OR2D2: variants seen among roughly 807,000 people sequenced by gnomAD.
OR2D2 encodes the protein olfactory receptor family 2 subfamily D member 2.
Under a neutral mutation model 16.0 loss-of-function variants are expected in OR2D2, and 20 were observed. That is an observed-to-expected ratio of 1.25 (90% CI 0.88 to 1.82). OR2D2 has a LOEUF of 1.82. Among genes scored for constraint, OR2D2 ranks in the 40% most tolerant of loss-of-function variants. The pLI is 0.00. For synonymous variants in OR2D2, 164 were observed against 143.9 expected (o/e 1.14, Z -1.00); for missense variants, 409 against 369.3 (o/e 1.11, Z -0.88).
In OR2D2 at chr11:6,891,907, G is replaced by T; in HGVS notation, c.594C>A (p.Ala198=). 1.2e-6 allele frequency: 2 copies of T among 1,613,688 alleles called. No homozygotes were observed. The highest frequency in any genetic ancestry group is 1.7e-6 in the Non-Finnish European group (2 of 1,179,812). Residue 198 remains alanine (A), a synonymous_variant, in exon 1 of 1, where the codon GCC becomes GCA. Transcript: ENST00000299459. ...ASTDTHASEM[A]IFLMGVVILL... is the part of the protein sequence containing the mutation. Reference sequence around the variant, plus strand: ...GAATCACAACCCCCATAAGAAAAATGGCCATCTCTGATGCATGGGTGTCTG... The same window carrying T: ...GAATCACAACCCCCATAAGAAAAATTGCCATCTCTGATGCATGGGTGTCTG...
chr11:6,892,202 C>T lies in OR2D2; in HGVS notation c.299G>A (p.Arg100Gln), dbSNP rs758870079. 21 of 1,613,726 alleles carry T rather than the reference C, an allele frequency of 1.3e-5. No individual in the cohort carries two copies. The highest frequency in any genetic ancestry group is 1.7e-5 in the Admixed American group (1 of 59,924). Residue 100 changes from arginine to glutamine, a missense_variant, in exon 1 of 1, where the codon CGA becomes CAA. Transcript: ENST00000299459. ...KVIAFTLCAA[R>Q]LLFFLIFGCT... ...CCCAAAAATGAGGAAAAAGAGAAGTCGAGCTGCGCAAAGTGTGAATGCAAT... is the reference window on the plus strand; with the variant it reads ...CCCAAAAATGAGGAAAAAGAGAAGTTGAGCTGCGCAAAGTGTGAATGCAAT...
At position 6,892,140 on chromosome 11, in the gene OR2D2, C is replaced by T. The variant is rs1217239747; in HGVS notation, c.361G>A (p.Asp121Asn). ...QCALLAVMSY[D>N]RYVAICNPLR... ...GGATTGCAGATTGCAACATAGCGAT[C>T]ATAGGACATCACTGCAAGAAGGGCG... The change falls in exon 1 of 1, where the codon GAT (aspartate) becomes AAT (asparagine). Residue 121 changes from aspartate (D) to asparagine (N), a missense_variant. Asp to Asn is a conservative substitution (Grantham distance 23, BLOSUM62 1). Coordinates refer to ENST00000299459, the MANE Select transcript of OR2D2 (RefSeq NM_003700.1). The T allele has an allele frequency of 8.1e-6, 13 of 1,613,738 alleles. No individual in the cohort carries two copies. Among genetic ancestry groups the T allele is most frequent in the African/African-American group, 2.7e-5 (2 of 74,964 alleles).
Position 6,892,193 on chromosome 11 carries a change from A to C in OR2D2, c.308T>G (p.Phe103Cys). Residue 103 changes from phenylalanine (F) to cysteine (C), a missense_variant, in exon 1 of 1, where the codon TTT (phenylalanine) becomes TGT (cysteine). Coordinates refer to ENST00000299459, the MANE Select transcript of OR2D2 (RefSeq NM_003700.1). ...AFTLCAARLL[F>C]FLIFGCTQCA... Reference sequence around the variant, plus strand: ...CTGGGTACACCCAAAAATGAGGAAAAAGAGAAGTCGAGCTGCGCAAAGTGT... The same window carrying C: ...CTGGGTACACCCAAAAATGAGGAAACAGAGAAGTCGAGCTGCGCAAAGTGT... 1.2e-6 allele frequency: 2 copies of C among 1,613,904 alleles called. No homozygotes were observed. Among genetic ancestry groups the C allele is most frequent in the Non-Finnish European group, 1.7e-6 (2 of 1,179,892 alleles).
Position 6,892,050 on chromosome 11 carries a change from T to C in OR2D2, c.451A>G (p.Ser151Gly), listed in dbSNP as rs74917712. ...CVQLATGSWT[S>G]GILVSVVDTT... ...TCTACCACAGACACCAGAATGCCAC[T>C]GGTCCATGATCCTGTTGCCAGCTGG... is the stretch of plus-strand genomic sequence containing the variant. Residue 151 changes from serine to glycine, a missense_variant, in exon 1 of 1, where the codon AGT becomes GGT. Physicochemically the swap from Ser to Gly is moderately conservative, Grantham distance 56 (BLOSUM62 0). Transcript: ENST00000299459. The C allele has an allele frequency of 4.6e-3, 7,461 of 1,613,844 alleles. 38 individuals carry two copies. Among genetic ancestry groups the C allele is most frequent in the Middle Eastern group, 0.013 (78 of 6,060 alleles).
In OR2D2 at chr11:6,891,849, A is replaced by G. The variant is rs535022998; in HGVS notation, c.652T>C (p.Tyr218His). Residue 218 changes from tyrosine to histidine, a missense_variant, in exon 1 of 1, where the codon TAT becomes CAT. Tyr to His is a moderately conservative substitution (Grantham distance 83). Transcript: ENST00000299459. ...ACCACAGTTACTATGATACGGCCATAGGATACCAGAATCAGAAAAACAGGT... is the reference window on the plus strand; with the variant it reads ...ACCACAGTTACTATGATACGGCCATGGGATACCAGAATCAGAAAAACAGGT... ...LIPVFLILVS[Y>H]GRIIVTVVKM... 1.8e-5 allele frequency: 29 copies of G among 1,613,880 alleles called. 1 individual carries two copies. The South Asian group carries it at 3.0e-4, about 16-fold the overall frequency.
Position 6,892,098 on chromosome 11 carries a change from T to A in OR2D2, c.403A>T (p.Ile135Phe). The change falls in exon 1 of 1, where the codon ATC (isoleucine) becomes TTC (phenylalanine). Residue 135 changes from isoleucine (I) to phenylalanine (F), a missense_variant. Ile to Phe is a conservative substitution (Grantham distance 21, BLOSUM62 0). Transcript: ENST00000299459. ...TGGACACACACTTTCCAGGTCATGA[T>A]GTTAGGGTAACGCAGAGGATTGCAG... is the stretch of plus-strand genomic sequence containing the variant. ...AICNPLRYPNIMTWKVCVQLA... is the reference protein window; with the variant it reads ...AICNPLRYPNFMTWKVCVQLA... 1 of 1,613,896 alleles carries A rather than the reference T, an allele frequency of 6.2e-7. No individual in the cohort carries two copies. The highest frequency in any genetic ancestry group is 1.7e-4 in the Middle Eastern group (1 of 6,058).
At position 6,891,610 on chromosome 11, in the gene OR2D2, TGCC is replaced by T. The variant is rs1848593266; in HGVS notation, c.888_890del (p.Ala298del). On this transcript the variant is annotated inframe_deletion, in exon 1 of 1. Transcript: ENST00000299459. Reference sequence around the variant, plus strand: ...TCCTTGTGGCTACTTTCCTCAGAGCTGCCTTCACATCCTTGTTTCTCAGGCTAT... The same window carrying T: ...TCCTTGTGGCTACTTTCCTCAGAGCTTTCACATCCTTGTTTCTCAGGCTAT... The T allele has an allele frequency of 6.2e-7, 1 of 1,613,404 alleles. No homozygotes were observed. The highest frequency in any genetic ancestry group is 8.5e-7 in the Non-Finnish European group (1 of 1,179,676).
rs769448275 is a variant in OR2D2, at chr11:6,892,409, A to G, written c.92T>C (p.Leu31Ser). The G allele has an allele frequency of 9.9e-6, 16 of 1,613,804 alleles. No homozygotes were observed. In the South Asian group the frequency reaches 1.6e-4, roughly 17 times the overall value. The stretch of plus-strand genomic sequence containing the variant: ...CACAGTGACCAGGTAGACACCCAAT[A>G]ATACGATAAATAGCAGCTGCTCGGT... ...PHTEQLLFIV[L>S]LGVYLVTVLG... Residue 31 changes from leucine (L) to serine (S), a missense_variant, in exon 1 of 1, where the codon TTA becomes TCA. Physicochemically the swap from Leu to Ser is moderately radical, Grantham distance 145. Transcript: ENST00000299459.
chr11:6,891,670 T>G lies in OR2D2; in HGVS notation c.831A>C (p.Ala277=), dbSNP rs139334477. 4 of 1,613,404 alleles carry G rather than the reference T, an allele frequency of 2.5e-6. No homozygotes were observed. Among genetic ancestry groups the G allele is most frequent in the Non-Finnish European group, 3.4e-6 (4 of 1,179,792 alleles). The change falls in exon 1 of 1, where the codon GCA becomes GCC. Residue 277 remains alanine (A), a synonymous_variant. Transcript: ENST00000299459. ...GGGGATTAAGCATGGGAGTCACTAT[T>G]GCATAGAAAACAGACACCGATTTTT... is the stretch of plus-strand genomic sequence containing the variant. The part of the protein sequence containing the change: ...QQEKSVSVFY[A]IVTPMLNPLI...
chr11:6,892,009 C>T lies in OR2D2; in HGVS notation c.492G>A (p.Leu164=), dbSNP rs1266515444. The part of the protein sequence containing the change: ...LVSVVDTTFI[L]RLPYRGSNSI... ...TGTTACTGCCTCGGTAGGGTAGCCT[C>T]AGTATGAAGGTGGTGTCTACCACAG... is the stretch of plus-strand genomic sequence containing the variant. The change falls in exon 1 of 1, where the codon CTG becomes CTA. Residue 164 remains leucine, a synonymous_variant. Coordinates refer to ENST00000299459, the MANE Select transcript of OR2D2 (RefSeq NM_003700.1). The T allele has an allele frequency of 1.2e-6, 2 of 1,613,706 alleles. No individual in the cohort carries two copies. The highest frequency in any genetic ancestry group is 2.2e-5 in the East Asian group (1 of 44,844).
In OR2D2 at chr11:6,892,383, G is replaced by A. The variant is rs1229799315; in HGVS notation, c.118C>T (p.Leu40Phe). 1 of 1,613,574 alleles carries A rather than the reference G, an allele frequency of 6.2e-7. No homozygotes were observed. Among genetic ancestry groups the A allele is most frequent in the Non-Finnish European group, 8.5e-7 (1 of 1,179,798 alleles). ...VLLGVYLVTV[L>F]GNLLLISLVH... ...AGGGAGATTAGAAGCAGATTTCCAAGCACAGTGACCAGGTAGACACCCAAT... is the reference window on the plus strand; with the variant it reads ...AGGGAGATTAGAAGCAGATTTCCAAACACAGTGACCAGGTAGACACCCAAT... The change falls in exon 1 of 1, where the codon CTT (leucine) becomes TTT (phenylalanine). Residue 40 changes from leucine to phenylalanine, a missense_variant. Physicochemically the swap from Leu to Phe is conservative, Grantham distance 22. Transcript: ENST00000299459.
In OR2D2 at chr11:6,891,673, A is replaced by G; in HGVS notation, c.828T>C (p.Tyr276=). The G allele has an allele frequency of 6.2e-7, 1 of 1,613,238 alleles. No homozygotes were observed. The highest frequency in any genetic ancestry group is 8.5e-7 in the Non-Finnish European group (1 of 1,179,788). The change falls in exon 1 of 1, where the codon TAT becomes TAC. Residue 276 remains tyrosine, a synonymous_variant. Coordinates refer to ENST00000299459, the MANE Select transcript of OR2D2 (RefSeq NM_003700.1). ...GATTAAGCATGGGAGTCACTATTGC[A>G]TAGAAAACAGACACCGATTTTTCCT... ...KQQEKSVSVF[Y]AIVTPMLNPL...
rs200086508 is a variant in OR2D2 at position 6,891,663 on chromosome 11, T to C, written c.838A>G (p.Thr280Ala). 1 of 1,613,414 alleles carries C rather than the reference T, an allele frequency of 6.2e-7. No individual in the cohort carries two copies. The highest frequency in any genetic ancestry group is 8.5e-7 in the Non-Finnish European group (1 of 1,179,750). The change falls in exon 1 of 1, where the codon ACT (threonine) becomes GCT (alanine). Residue 280 changes from threonine (T) to alanine (A), a missense_variant. By Grantham distance (58) the Thr-to-Ala change is moderately conservative. Transcript: ENST00000299459. Reference sequence around the variant, plus strand: ...TAGATGAGGGGATTAAGCATGGGAGTCACTATTGCATAGAAAACAGACACC... The same window carrying C: ...TAGATGAGGGGATTAAGCATGGGAGCCACTATTGCATAGAAAACAGACACC... Reference protein sequence around the residue: ...KSVSVFYAIVTPMLNPLIYSL... With the variant: ...KSVSVFYAIVAPMLNPLIYSL...
At position 6,891,650 on chromosome 11, in the gene OR2D2, T is replaced by G. The variant is rs1489085234; in HGVS notation, c.851A>C (p.Asn284Thr). 7 of 1,613,646 alleles carry G rather than the reference T, an allele frequency of 4.3e-6. No homozygotes were observed. Among genetic ancestry groups the G allele is most frequent in the Non-Finnish European group, 5.9e-6 (7 of 1,179,744 alleles). Residue 284 changes from asparagine (N) to threonine (T), a missense_variant, in exon 1 of 1, where the codon AAT (asparagine) becomes ACT (threonine). By Grantham distance (65) the Asn-to-Thr change is moderately conservative. Coordinates refer to ENST00000299459, the MANE Select transcript of OR2D2 (RefSeq NM_003700.1). The part of the protein sequence containing the change: ...VFYAIVTPML[N>T]PLIYSLRNKD... ...GTTTCTCAGGCTATAGATGAGGGGA[T>G]TAAGCATGGGAGTCACTATTGCATA...
chr11:6,891,926 G>A lies in OR2D2; in HGVS notation c.575C>T (p.Thr192Ile), dbSNP rs759940797. 5 of 1,613,668 alleles carry A rather than the reference G, an allele frequency of 3.1e-6. No individual in the cohort carries two copies. Among genetic ancestry groups the A allele is most frequent in the Non-Finnish European group, 4.2e-6 (5 of 1,179,824 alleles). The change falls in exon 1 of 1, where the codon ACC (threonine) becomes ATC (isoleucine). Residue 192 changes from threonine (T) to isoleucine (I), a missense_variant. Transcript: ENST00000299459. ...PALLILASTD[T>I]HASEMAIFLM... Reference sequence around the variant, plus strand: ...AAAAATGGCCATCTCTGATGCATGGGTGTCTGTGGATGCTAAGATCAATAG... The same window carrying A: ...AAAAATGGCCATCTCTGATGCATGGATGTCTGTGGATGCTAAGATCAATAG...
At position 6,891,925 on chromosome 11, in the gene OR2D2, G is replaced by A. The variant is rs1848597877; in HGVS notation, c.576C>T (p.Thr192=). The change falls in exon 1 of 1, where the codon ACC becomes ACT. Residue 192 remains threonine (T), a synonymous_variant. Coordinates refer to ENST00000299459, the MANE Select transcript of OR2D2 (RefSeq NM_003700.1). The part of the protein sequence containing the change: ...PALLILASTD[T]HASEMAIFLM... ...GAAAAATGGCCATCTCTGATGCATG[G>A]GTGTCTGTGGATGCTAAGATCAATA... 1.2e-6 allele frequency: 2 copies of A among 1,613,596 alleles called. No individual in the cohort carries two copies. Among genetic ancestry groups the A allele is most frequent in the Admixed American group, 1.7e-5 (1 of 59,910 alleles).
In OR2D2 at chr11:6,891,924, G is replaced by C. The variant is rs1236656957; in HGVS notation, c.577C>G (p.His193Asp). The C allele has an allele frequency of 5.0e-6, 8 of 1,613,588 alleles. No individual in the cohort carries two copies. The highest frequency in any genetic ancestry group is 6.8e-6 in the Non-Finnish European group (8 of 1,179,820). The change falls in exon 1 of 1, where the codon CAT becomes GAT. Residue 193 changes from histidine to aspartate, a missense_variant. Physicochemically the swap from His to Asp is moderately conservative, Grantham distance 81. Coordinates refer to ENST00000299459, the MANE Select transcript of OR2D2 (RefSeq NM_003700.1). Reference sequence around the variant, plus strand: ...AGAAAAATGGCCATCTCTGATGCATGGGTGTCTGTGGATGCTAAGATCAAT... The same window carrying C: ...AGAAAAATGGCCATCTCTGATGCATCGGTGTCTGTGGATGCTAAGATCAAT... ...ALLILASTDT[H>D]ASEMAIFLMG...
chr11:6,891,890 AC>A lies in OR2D2; in HGVS notation c.610del (p.Val204LeufsTer2), dbSNP rs753617843. On this transcript the variant is annotated frameshift_variant, in exon 1 of 1. Coordinates refer to ENST00000299459, the MANE Select transcript of OR2D2 (RefSeq NM_003700.1). LOFTEE classifies it high-confidence loss of function. ...AAAAACAGGTATGAGGAGAATCACA[AC>A]CCCCATAAGAAAAATGGCCATCTCT... The part of the protein sequence containing the change: ...ASEMAIFLMG[V>X]VILLIPVFLI... 1.9e-6 allele frequency: 3 copies of A among 1,613,662 alleles called. No individual in the cohort carries two copies. The highest frequency in any genetic ancestry group is 2.2e-5 in the East Asian group (1 of 44,838).
chr11:6,892,123 G>C lies in OR2D2; in HGVS notation c.378C>G (p.Ile126Met), dbSNP rs747378505. Residue 126 changes from isoleucine to methionine, a missense_variant, in exon 1 of 1, where the codon ATC (isoleucine) becomes ATG (methionine). Coordinates refer to ENST00000299459, the MANE Select transcript of OR2D2 (RefSeq NM_003700.1). The part of the protein sequence containing the change: ...AVMSYDRYVA[I>M]CNPLRYPNIM... ...TGTTAGGGTAACGCAGAGGATTGCA[G>C]ATTGCAACATAGCGATCATAGGACA... The C allele has an allele frequency of 2.5e-6, 4 of 1,613,876 alleles. No individual in the cohort carries two copies. In the South Asian group the frequency reaches 4.4e-5, roughly 18 times the overall value.
Sources: allele counts gnomAD v4.1 joint callset, GRCh38; gene constraint gnomAD v4.1.1; transcripts MANE v1.5; gene names NCBI Gene and HGNC (gene_info 2026-07-23, HGNC 2026-07-21).